The following LYSMD3 variants were observed in gnomAD, a reference collection of about 807,000 sequenced individuals.
LYSMD3 encodes the protein lysM and putative peptidoglycan-binding domain-containing protein 3.
A neutral mutation model predicts 26.1 loss-of-function variants in LYSMD3; 13 were observed. The observed-to-expected ratio is 0.50, with a 90% CI of 0.32 to 0.79. The LOEUF (loss-of-function observed/expected upper bound fraction) is 0.79, where lower values mean the gene tolerates loss of function less well. Ranked by LOEUF, LYSMD3 falls within the 30% of genes least tolerant of loss-of-function variation. The pLI is 0.03. For missense variants in LYSMD3, 331 were observed against 362.5 expected (o/e 0.91, Z 0.71); for synonymous variants, 109 against 119.4 (o/e 0.91, Z 0.57).
intron 1 of LYSMD3, among the ~76,000 whole-genome samples, chr5:90,526,628 A>T (rs1054804547): frequency 2.0e-5 from 3 of 152,210 alleles, no homozygotes; most frequent in African/African-American, 7.2e-5. Flanking sequence ...TGGAGATAAA[A>T]TTCTTTGCAC....
At chr5:90,521,575 C>T (rs1286081307) in intron 2 of LYSMD3, among the ~76,000 whole-genome samples, 1 of 152,064 alleles carries the variant, frequency 6.6e-6, no homozygotes, top group Non-Finnish European at 1.5e-5. Context: ...TACCTTCGCA[C>T]TGTTTTGTCT....
chr5:90,519,440 G>A lies in LYSMD3; in HGVS notation c.300C>T (p.Asp100=). The change falls in exon 3 of 3, where the codon GAC becomes GAT. Residue 100 remains aspartate, a synonymous_variant. Transcript: ENST00000315948. ...KRVNNLISDQ[D]FFALRSIKIP... ...TTTTGATAGACCTAAGGGCAAAAAA[G>A]TCTTGATCACTGATGAGATTGTTAA... The A allele has an allele frequency of 6.2e-7, 1 of 1,613,544 alleles. No individual in the cohort carries two copies. Among genetic ancestry groups the A allele is most frequent in the East Asian group, 2.2e-5 (1 of 44,860 alleles).
intron 1 of LYSMD3, among the ~76,000 whole-genome samples, chr5:90,526,631 C>A (rs939003000): frequency 1.5e-4 from 23 of 152,152 alleles, no homozygotes; most frequent in African/African-American, 5.6e-4. Flanking sequence ...AGATAAAATT[C>A]TTTGCACTCA....
At chr5:90,525,651 T>G (rs1753206468) in intron 1 of LYSMD3, among the ~76,000 whole-genome samples, 1 of 152,140 alleles carries the variant, frequency 6.6e-6, no homozygotes, top group African/African-American at 2.4e-5. Context: ...GGTTTCACCA[T>G]GTTGGCCAGG....
intron 2 of LYSMD3, chr5:90,520,562 A>G (rs1267865880): frequency 6.6e-6 from 3 of 452,398 alleles, no homozygotes; most frequent in African/African-American, 2.0e-5. Flanking sequence ...AGTTGTAGAT[A>G]TATGTCTGAA....
intron 2 of LYSMD3, among the ~76,000 whole-genome samples, chr5:90,524,580 GAC>G (rs1430152123): frequency 6.6e-6 from 1 of 152,184 alleles, no homozygotes; most frequent in East Asian, 1.9e-4. Flanking sequence ...CTACAAATGT[GAC>G]ACAGATTTCT....
chr5:90,529,400 C>A, intron 1 of LYSMD3, 48 bp downstream of exon 1: 1 of 456,450 alleles, frequency 2.2e-6, no homozygotes, highest in Non-Finnish European at 4.4e-6. Context: ...GGGGCTCAAC[C>A]CCGCCCTCCT....
At chr5:90,526,021 C>T (rs988058814) in intron 1 of LYSMD3, among the ~76,000 whole-genome samples, 11 of 152,092 alleles carry the variant, frequency 7.2e-5, no homozygotes, top group Admixed American at 2.0e-4. Flanking sequence ...TGTGTTATGT[C>T]TTAAAAACTT....
chr5:90,525,413 G>T, intron 1 of LYSMD3, 113 bp from the exon 2 acceptor site: 1 of 1,104,880 alleles, frequency 9.1e-7, no homozygotes, highest in Non-Finnish European at 1.3e-6. Context: ...AATGGTTTTA[G>T]TTATTTAAAC....
Position 90,518,664 on chromosome 5 carries a change from G to T in LYSMD3, c.*155C>A. 1.6e-6 allele frequency: 1 copy of T among 636,172 alleles called. No individual in the cohort carries two copies. Among genetic ancestry groups the T allele is most frequent in the Non-Finnish European group, 2.6e-6 (1 of 387,478 alleles). 39.4% of individuals were successfully genotyped at this position (636,172 alleles called of 1,614,324 possible). A position where few individuals can be genotyped will look rare whatever the true frequency, so the allele number is the denominator to read the frequency against. Reference sequence around the variant, plus strand: ...CTGCTCTCAACATCAACAACTAGTTGCTCAAAAAATTTTCAAAGTGTGAAA... The same window carrying T: ...CTGCTCTCAACATCAACAACTAGTTTCTCAAAAAATTTTCAAAGTGTGAAA... On this transcript the variant is annotated 3_prime_UTR_variant, in exon 3 of 3. Transcript: ENST00000315948.
chr5:90,523,200 T>C (rs1161362267), intron 2 of LYSMD3, among the ~76,000 whole-genome samples: 4 of 152,156 alleles, frequency 2.6e-5, no homozygotes, highest in Admixed American at 1.3e-4. Flanking sequence ...ATGGCAAGAA[T>C]TGATGTTTTC....
At chr5:90,521,987 GCTTAT>G (rs1164530742) in intron 2 of LYSMD3, among the ~76,000 whole-genome samples, 1 of 141,132 alleles carries the variant, frequency 7.1e-6, no homozygotes, top group African/African-American at 2.7e-5. Context: ...AAGGAGCACT[GCTTAT>G]CTTAACTAAT....
chr5:90,520,032 A>G (rs1753050970), intron 2 of LYSMD3, among the ~76,000 whole-genome samples: 3 of 152,164 alleles, frequency 2.0e-5, no homozygotes, highest in African/African-American at 4.8e-5. Flanking sequence ...AAATGTGTGG[A>G]AAAGCATATA....
At position 90,521,158 on chromosome 5, in the gene LYSMD3, C is replaced by G. The variant is rs1001460754; in HGVS notation, c.256-1674G>C. 6.6e-5 allele frequency among the ~76,000 whole-genome samples: 10 copies of G among 152,060 alleles called. 1 individual carries two copies. The highest frequency in any genetic ancestry group is 6.2e-4 in the South Asian group (3 of 4,818). On this transcript the variant is annotated intron_variant, in intron 2 of 2. Coordinates refer to ENST00000315948, the MANE Select transcript of LYSMD3 (RefSeq NM_198273.2). Reference sequence around the variant, plus strand: ...GCTTTGACACTTTCTAGCTGTATGACCTGGGGCAAGTTGTTTAACCTCTTT... The same window carrying G: ...GCTTTGACACTTTCTAGCTGTATGAGCTGGGGCAAGTTGTTTAACCTCTTT...
chr5:90,515,827 A>C lies in LYSMD3; in HGVS notation c.*2992T>G, dbSNP rs1315958056. On this transcript the variant is annotated 3_prime_UTR_variant, in exon 3 of 3. Transcript: ENST00000315948. ...ATTAAAGCATTCAGATATTTCTATG[A>C]TCTAACAGTGCAATATGCACATACG... 2 of 152,200 alleles carry C rather than the reference A, an allele frequency of 1.3e-5. No homozygotes were observed. The highest frequency in any genetic ancestry group is 2.9e-5 in the Non-Finnish European group (2 of 68,004). 9.4% of individuals were successfully genotyped at this position (152,200 alleles called of 1,614,324 possible).
intron 2 of LYSMD3, among the ~76,000 whole-genome samples, 170 bp from the exon 3 acceptor site, chr5:90,519,654 A>G (rs993372831): frequency 1.3e-5 from 2 of 152,170 alleles, no homozygotes; most frequent in Non-Finnish European, 2.9e-5. Flanking sequence ...ATTCTACACC[A>G]CTTTAGATGT....
Position 90,518,609 on chromosome 5 carries a change from A to C in LYSMD3, c.*210T>G. On this transcript the variant is annotated 3_prime_UTR_variant, in exon 3 of 3. Coordinates refer to ENST00000315948, the MANE Select transcript of LYSMD3 (RefSeq NM_198273.2). Reference sequence around the variant, plus strand: ...ACACATTTAAATTAATTTCTGCTTGAAACATTCACACACCAGATTTATGGA... The same window carrying C: ...ACACATTTAAATTAATTTCTGCTTGCAACATTCACACACCAGATTTATGGA... The C allele has an allele frequency of 2.3e-6, 1 of 441,430 alleles. No homozygotes were observed. The highest frequency in any genetic ancestry group is 4.0e-6 in the Non-Finnish European group (1 of 250,984). The allele number at this position is 441,430 out of a possible 1,614,324, so 27.3% of individuals were successfully genotyped here. A position where few individuals can be genotyped will look rare whatever the true frequency, so the allele number is the denominator to read the frequency against.
intron 1 of LYSMD3, among the ~76,000 whole-genome samples, chr5:90,527,449 GA>G (rs1753251442): frequency 7.0e-6 from 1 of 142,850 alleles, no homozygotes; most frequent in African/African-American, 2.6e-5. Context: ...ACTTATGTGT[GA>G]AAAAGTGTAA....
At position 90,518,508 on chromosome 5, in the gene LYSMD3, ATTAC is replaced by A. The variant is rs1257033286; in HGVS notation, c.*307_*310del. ...TTTAACATTAATAAACTTTTTAAAAATTACTTAAAAAAATAAAATTTAAACATGC... is the reference window on the plus strand; with the variant it reads ...TTTAACATTAATAAACTTTTTAAAAATTAAAAAAATAAAATTTAAACATGC... On this transcript the variant is annotated 3_prime_UTR_variant, in exon 3 of 3. Coordinates refer to ENST00000315948, the MANE Select transcript of LYSMD3 (RefSeq NM_198273.2). 14 of 226,076 alleles carry A rather than the reference ATTAC, an allele frequency of 6.2e-5. No individual in the cohort carries two copies. Among genetic ancestry groups the A allele is most frequent in the Admixed American group, 1.1e-4 (2 of 18,456 alleles). 14.0% of individuals were successfully genotyped at this position (226,076 alleles called of 1,614,324 possible).
Sources: gnomAD v4.1 joint callset for allele counts (sites outside exome capture counted in the v4.1 genomes callset) on GRCh38, gnomAD v4.1.1 for gene constraint, MANE v1.5 for transcripts, NCBI Gene and HGNC (gene_info 2026-07-23, HGNC 2026-07-21) for gene names.